Variants in LRMDA observed in about 807,000 individuals in gnomAD.
The protein encoded by LRMDA is leucine-rich melanocyte differentiation-associated protein.
A neutral mutation model predicts 29.8 loss-of-function variants in LRMDA; 18 were observed. That is an observed-to-expected ratio of 0.60 (90% CI 0.42 to 0.90). The LOEUF (loss-of-function observed/expected upper bound fraction) is 0.90. Among genes scored for constraint, LRMDA ranks in the 40% least tolerant of loss-of-function variants. The pLI, the probability that LRMDA is intolerant of heterozygous loss-of-function variation, is 0.00. For missense variants in LRMDA, 273 were observed against 273.9 expected (o/e 1.00, Z 0.02); for synonymous variants, 125 against 109.4 (o/e 1.14, Z -0.89).
In LRMDA at chr10:75,882,292, C is replaced by T. The variant is rs1360913340; in HGVS notation, c.132-153716C>T. On this transcript the variant is annotated intron_variant, in intron 2 of 6. Coordinates refer to ENST00000611255, the MANE Select transcript of LRMDA (RefSeq NM_001305581.2). ...TATGGAGGTTGTATTCACTGCAAGC[C>T]AAACTCAAACTTCTTCTTCTCACTG... Among the ~76,000 whole-genome samples, 3 of 152,110 alleles carry T rather than the reference C, an allele frequency of 2.0e-5. No individual in the cohort carries two copies. The East Asian group carries it at 5.8e-4, about 29-fold the overall frequency.
At chr10:76,551,993 G>T (rs1843501660) in intron 6 of LRMDA, among the ~76,000 whole-genome samples, 1 of 152,130 alleles carries the variant, frequency 6.6e-6, no homozygotes, top group Non-Finnish European at 1.5e-5. Flanking sequence ...TAAACTCCTA[G>T]TATCACAATG....
rs536502118 is a variant in LRMDA, at chr10:76,340,002, C to G, written c.601+15517C>G. ...TGTGAGAAAACATGAAAATGAAACT[C>G]TAGGTCAGTCTCTTTTTCAAATATG... On this transcript the variant is annotated intron_variant, in intron 6 of 6. Coordinates refer to ENST00000611255, the MANE Select transcript of LRMDA (RefSeq NM_001305581.2). 5.3e-5 allele frequency among the ~76,000 whole-genome samples: 8 copies of G among 152,124 alleles called. No homozygotes were observed. In the South Asian group the frequency reaches 1.0e-3, roughly 20 times the overall value.
At chr10:76,137,552 C>A (rs1369982359) in intron 5 of LRMDA, among the ~76,000 whole-genome samples, 1 of 152,084 alleles carries the variant, frequency 6.6e-6, no homozygotes, top group Non-Finnish European at 1.5e-5. Context: ...TTGGTACATA[C>A]TTCCCTAAAG....
chr10:76,241,779 A>G (rs997845657), intron 5 of LRMDA, among the ~76,000 whole-genome samples: 6 of 152,136 alleles, frequency 3.9e-5, no homozygotes, highest in Admixed American at 3.9e-4. Context: ...GGTCCTGGAG[A>G]CTGAAGGGTA....
intron 2 of LRMDA, among the ~76,000 whole-genome samples, chr10:75,442,567 A>G (rs902505265): frequency 6.6e-6 from 1 of 152,160 alleles, no homozygotes; most frequent in African/African-American, 2.4e-5. Context: ...TTGACTGTCA[A>G]TGCAGATTTA....
intron 2 of LRMDA, among the ~76,000 whole-genome samples, chr10:75,981,363 G>A (rs1011388554): frequency 1.3e-5 from 2 of 152,096 alleles, no homozygotes; most frequent in Admixed American, 6.5e-5. Context: ...TGCTGACTTG[G>A]GCAAACACTG....
chr10:76,096,359 G>T (rs929477494), intron 5 of LRMDA, among the ~76,000 whole-genome samples: 1 of 151,876 alleles, frequency 6.6e-6, no homozygotes, highest in African/African-American at 2.4e-5. Flanking sequence ...AACTGCTTCA[G>T]CTTCATTTGT....
At chr10:75,924,602 G>A (rs1168238345) in intron 2 of LRMDA, among the ~76,000 whole-genome samples, 1 of 152,174 alleles carries the variant, frequency 6.6e-6, no homozygotes, top group Non-Finnish European at 1.5e-5. Context: ...AGAGCTATAA[G>A]GTGGCAGAGT....
chr10:76,170,549 T>C (rs1358362927), intron 5 of LRMDA, among the ~76,000 whole-genome samples: 1 of 152,360 alleles, frequency 6.6e-6, no homozygotes, highest in Non-Finnish European at 1.5e-5. Flanking sequence ...GCTCAGTTTC[T>C]CATACGTAAA....
At chr10:75,523,223 G>A (rs1845380882) in intron 2 of LRMDA, among the ~76,000 whole-genome samples, 1 of 152,142 alleles carries the variant, frequency 6.6e-6, no homozygotes, top group Non-Finnish European at 1.5e-5. Flanking sequence ...CTCTCCCTGG[G>A]TGGAGAGCCT....
chr10:75,893,610 C>T (rs577278315), intron 2 of LRMDA, among the ~76,000 whole-genome samples: 1 of 152,252 alleles, frequency 6.6e-6, no homozygotes, highest in South Asian at 2.1e-4. Flanking sequence ...TGCCTGTGCC[C>T]AGCCCCAGAC....
chr10:76,386,463 T>C (rs1841660881), intron 6 of LRMDA, among the ~76,000 whole-genome samples: 1 of 152,216 alleles, frequency 6.6e-6, no homozygotes, highest in Non-Finnish European at 1.5e-5. Flanking sequence ...GGACCATAAG[T>C]TGATGCCTTT....
chr10:76,385,788 T>C (rs373219890), intron 6 of LRMDA, among the ~76,000 whole-genome samples: 28 of 152,350 alleles, frequency 1.8e-4, no homozygotes, highest in African/African-American at 6.3e-4. Flanking sequence ...TGCTGCTTAT[T>C]AAAATTGCCA....
intron 5 of LRMDA, among the ~76,000 whole-genome samples, chr10:76,083,988 G>A (rs1346925083): frequency 6.6e-6 from 1 of 152,054 alleles, no homozygotes; most frequent in African/African-American, 2.4e-5. Context: ...AACCTCTCAG[G>A]GTACTTGAGC....
intron 2 of LRMDA, among the ~76,000 whole-genome samples, chr10:76,017,696 G>A (rs1027765525): frequency 6.6e-6 from 1 of 152,162 alleles, no homozygotes; most frequent in African/African-American, 2.4e-5. Flanking sequence ...GCCCATCAAC[G>A]GTGATGAAAA....
intron 5 of LRMDA, among the ~76,000 whole-genome samples, chr10:76,294,293 A>G (rs1034403219): frequency 2.0e-5 from 3 of 152,224 alleles, no homozygotes; most frequent in Non-Finnish European, 4.4e-5. Flanking sequence ...GAGAGTTCAC[A>G]CTGGAAACTC....
At chr10:76,193,239 C>T (rs769786770) in intron 5 of LRMDA, among the ~76,000 whole-genome samples, 9 of 152,148 alleles carry the variant, frequency 5.9e-5, no homozygotes, top group Non-Finnish European at 1.0e-4. Context: ...TATTTGCCAT[C>T]GCAGGGGATA....
At chr10:76,128,830 C>G (rs1452439306) in intron 5 of LRMDA, among the ~76,000 whole-genome samples, 1 of 152,098 alleles carries the variant, frequency 6.6e-6, no homozygotes, top group Non-Finnish European at 1.5e-5. Flanking sequence ...GACGTGAAAG[C>G]GTTGAGCAGG....
At chr10:75,766,796 C>A (rs930017934) in intron 2 of LRMDA, among the ~76,000 whole-genome samples, 1 of 151,986 alleles carries the variant, frequency 6.6e-6, no homozygotes, top group African/African-American at 2.4e-5. Flanking sequence ...CCTCCCCTTT[C>A]CCCCATTCCA....
Sources: gnomAD v4.1 joint callset for allele counts (sites outside exome capture counted in the v4.1 genomes callset) on GRCh38, gnomAD v4.1.1 for gene constraint, MANE v1.5 for transcripts, NCBI Gene and HGNC (gene_info 2026-07-23, HGNC 2026-07-21) for gene names.